Variants in CC2D2B observed in about 807,000 individuals in gnomAD.
The protein encoded by CC2D2B is coiled-coil and C2 domain containing 2B.
In CC2D2B, 128 loss-of-function variants were observed where a neutral mutation model predicts 161.2. That is an observed-to-expected ratio of 0.79 (90% confidence interval 0.69 to 0.92). The LOEUF is 0.92. Among genes scored for constraint, CC2D2B ranks in the 40% least tolerant of loss-of-function variants. The probability of loss-of-function intolerance (pLI) is 0.00; values close to 1 mark genes in which losing one functional copy is unlikely to be tolerated. For missense variants in CC2D2B, 1,173 were observed against 1,375.1 expected, an observed-to-expected ratio of 0.85 and a Z score of 2.32; for synonymous variants, 391 against 449.8, an observed-to-expected ratio of 0.87 and a Z score of 1.65.
chr10:95,934,865 G>GTTTGTTTTGTTTTGT (rs59255321), intron 6 of CC2D2B, among the ~76,000 whole-genome samples: 32 of 150,854 alleles, frequency 2.1e-4, no homozygotes, highest in South Asian at 1.0e-3. Flanking sequence ...TTTTTTGTTT[G>GTTTGTTTTGTTTTGT]TTTGTTTTGT....
At position 95,991,429 on chromosome 10, in the gene CC2D2B, T is replaced by C; in HGVS notation, c.2439T>C (p.Ile813=). Reference sequence around the variant, plus strand: ...TTAGCAAATGTAACTTGTCAGATATTGTGAATGATTATGAAGAAATTGTAT... The same window carrying C: ...TTAGCAAATGTAACTTGTCAGATATCGTGAATGATTATGAAGAAATTGTAT... ...VKISKCNLSD[I]VNDYEEIVST... The change falls in exon 21 of 35, where the codon ATT becomes ATC. Residue 813 remains isoleucine (I), a synonymous_variant. Transcript: ENST00000646931. 8.8e-7 allele frequency: 1 copy of C among 1,136,674 alleles called. No individual in the cohort carries two copies. Among genetic ancestry groups the C allele is most frequent in the Non-Finnish European group, 1.1e-6 (1 of 900,398 alleles). The allele number at this position is 1,136,674 out of a possible 1,614,324, so 70.4% of individuals were successfully genotyped here. A position where few individuals can be genotyped will look rare whatever the true frequency, so the allele number is the denominator to read the frequency against.
intron 6 of CC2D2B, among the ~76,000 whole-genome samples, chr10:95,934,045 G>C (rs1564594898): frequency 6.6e-6 from 1 of 152,156 alleles, no homozygotes; most frequent in African/African-American, 2.4e-5. Flanking sequence ...CTCCTGACTG[G>C]GGCTACTGCC....
intron 18 of CC2D2B, 89 bp from the exon 19 acceptor site, chr10:95,983,517 C>T: frequency 4.0e-6 from 2 of 506,294 alleles, no homozygotes; most frequent in Non-Finnish European, 6.1e-6. Context: ...TATTGCCACT[C>T]AGATCTCACA....
chr10:96,008,610 TC>T (rs2078858055), intron 25 of CC2D2B, among the ~76,000 whole-genome samples: 1 of 152,134 alleles, frequency 6.6e-6, no homozygotes, highest in African/African-American at 2.4e-5. Flanking sequence ...TGTGGTGGTT[TC>T]TCATTGTAGC....
Position 96,012,649 on chromosome 10 carries a change from T to G in CC2D2B, c.3346T>G (p.Leu1116Val), listed in dbSNP as rs767275585. 1 of 1,611,382 alleles carries G rather than the reference T, an allele frequency of 6.2e-7. No homozygotes were observed. The highest frequency in any genetic ancestry group is 8.5e-7 in the Non-Finnish European group (1 of 1,177,584). Residue 1116 changes from leucine to valine, a missense_variant, in exon 28 of 35, where the codon TTA becomes GTA. Physicochemically the swap from Leu to Val is conservative, Grantham distance 32. Transcript: ENST00000646931. ...TVFNDEGIQF[L>V]VTRYIKALNP... ...TTTTAATGATGAAGGGATACAGTTC[T>G]TAGTCACAAGATATATCAAGGCATT...
chr10:95,929,787 GGTTACT>G (rs2098546442), intron 6 of CC2D2B, among the ~76,000 whole-genome samples: 1 of 152,168 alleles, frequency 6.6e-6, no homozygotes, highest in Admixed American at 6.5e-5. Flanking sequence ...CATGCTGTTT[GGTTACT>G]GTAGCCTTGT....
intron 11 of CC2D2B, among the ~76,000 whole-genome samples, chr10:95,955,933 A>G (rs2076554187): frequency 6.6e-6 from 1 of 152,220 alleles, no homozygotes; most frequent in Non-Finnish European, 1.5e-5. Flanking sequence ...TAGACTGGAA[A>G]GCGAAGTTAT....
chr10:95,942,222 T>A (rs975724567), intron 9 of CC2D2B, among the ~76,000 whole-genome samples: 28 of 152,106 alleles, frequency 1.8e-4, no homozygotes, highest in African/African-American at 5.1e-4. Context: ...TCATGCAAGA[T>A]GAAAAAGCCC....
intron 2 of CC2D2B, chr10:95,920,000 A>G (rs2098523697): frequency 6.6e-6 from 1 of 151,678 alleles, no homozygotes; most frequent in African/African-American, 2.4e-5. Context: ...TCAAGGCCCA[A>G]GGGGTTTTTA....
chr10:95,968,638 A>G, intron 14 of CC2D2B, 86 bp from the exon 15 acceptor site: 1 of 479,228 alleles, frequency 2.1e-6, no homozygotes, highest in Non-Finnish European at 3.3e-6. Context: ...TCTTCTGTTT[A>G]ACATGCTAAT....
At chr10:95,940,858 C>A (rs61871138) in intron 9 of CC2D2B, among the ~76,000 whole-genome samples, 40,726 of 151,742 alleles carry the variant, frequency 0.27, 6,384 homozygotes, top group Admixed American at 0.36. Flanking sequence ...CATTTTTTTA[C>A]AGAAATGGAA....
At chr10:95,923,249 T>TTGTG (rs138330203) in intron 3 of CC2D2B, among the ~76,000 whole-genome samples, 5,134 of 150,494 alleles carry the variant, frequency 0.034, 128 homozygotes, top group South Asian at 0.075. Flanking sequence ...GCCCCCAAAT[T>TTGTG]TGTGTGTGTG....
intron 17 of CC2D2B, among the ~76,000 whole-genome samples, chr10:95,976,598 G>C (rs2077323175): frequency 6.6e-6 from 1 of 152,202 alleles, no homozygotes; most frequent in African/African-American, 2.4e-5. Flanking sequence ...GGGTGCTCCA[G>C]AGGGCAGGAC....
At chr10:95,991,846 CAG>C (rs2077969684) in intron 21 of CC2D2B, among the ~76,000 whole-genome samples, 2 of 152,188 alleles carry the variant, frequency 1.3e-5, no homozygotes, top group South Asian at 2.1e-4. Context: ...CTTTGCAAAA[CAG>C]AGAATCCTCA....
At chr10:95,977,238 G>A (rs1489104152) in intron 17 of CC2D2B, among the ~76,000 whole-genome samples, 1 of 152,160 alleles carries the variant, frequency 6.6e-6, no homozygotes, top group Admixed American at 6.5e-5. Flanking sequence ...AGCTGGACAT[G>A]GTGGCACACG....
intron 32 of CC2D2B, among the ~76,000 whole-genome samples, chr10:96,024,594 T>G (rs948655655): frequency 3.9e-5 from 6 of 152,182 alleles, no homozygotes; most frequent in African/African-American, 1.4e-4. Context: ...AAATGCCTGT[T>G]TGAAAAATGA....
chr10:95,947,111 A>T (rs1441483096), intron 9 of CC2D2B, among the ~76,000 whole-genome samples: 99 of 40,714 alleles, frequency 2.4e-3, no homozygotes, highest in African/African-American at 7.6e-3. Context: ...ATATATATAT[A>T]TATTTTTTTT....
At position 95,924,287 on chromosome 10, in the gene CC2D2B, CTCTT is replaced by C. The variant is rs1266027033; in HGVS notation, c.98-25_98-22del. 15 of 1,271,336 alleles carry C rather than the reference CTCTT, an allele frequency of 1.2e-5. No individual in the cohort carries two copies. The South Asian group carries it at 2.1e-4, about 17-fold the overall frequency. The allele number at this position is 1,271,336 out of a possible 1,614,324, so 78.8% of individuals were successfully genotyped here. A position where few individuals can be genotyped will look rare whatever the true frequency, so the allele number is the denominator to read the frequency against. ...TTTAATTATAATAAAGTGTCATAAA[CTCTT>C]TATTATGTTGGTTTCCTGATAGATT... On this transcript the variant is annotated intron_variant, in intron 3 of 34. Coordinates refer to ENST00000646931, the MANE Select transcript of CC2D2B (RefSeq NM_001349008.3).
chr10:95,968,108 G>A (rs2077005751), intron 14 of CC2D2B, among the ~76,000 whole-genome samples: 1 of 152,166 alleles, frequency 6.6e-6, no homozygotes, highest in African/African-American at 2.4e-5. Flanking sequence ...TTTCCCCCAG[G>A]GAAGTAACCT....
Sources: gnomAD v4.1 joint callset for allele counts (sites outside exome capture counted in the v4.1 genomes callset) on GRCh38, gnomAD v4.1.1 for gene constraint, MANE v1.5 for transcripts, NCBI Gene and HGNC (gene_info 2026-07-23, HGNC 2026-07-21) for gene names.